Variants in BRCA2 observed in about 807,000 individuals in gnomAD.
The protein encoded by BRCA2 is BRCA2 DNA repair associated.
Under a neutral mutation model 276.7 loss-of-function variants are expected in BRCA2, and 203 were observed. That is an observed-to-expected ratio of 0.73 (90% confidence interval 0.65 to 0.82). The LOEUF (loss-of-function observed/expected upper bound fraction) is 0.82. Ranked by LOEUF, BRCA2 falls within the 40% of genes least tolerant of loss-of-function variation. The pLI, the probability that BRCA2 is intolerant of heterozygous loss-of-function variation, is 0.00. For missense variants in BRCA2, 3,920 were observed against 3,915.0 expected (o/e 1.00, Z -0.03); for synonymous variants, 1,289 against 1,338.4 (o/e 0.96, Z 0.81).
Position 32,343,786 on chromosome 13 carries a change from A to C in BRCA2, c.6842-772A>C, listed in dbSNP as rs543560632. ...TTAATTTCCCTCATTTCTGTAACAT[A>C]TAAGTGTATAACTTAGTCAGCTTCT... On this transcript the variant is annotated intron_variant, in intron 11 of 26. Transcript: ENST00000380152. Among the ~76,000 whole-genome samples, 5 of 152,152 alleles carry C rather than the reference A, an allele frequency of 3.3e-5. No homozygotes were observed. In the South Asian group the frequency reaches 8.3e-4, roughly 25 times the overall value.
At chr13:32,380,820 G>A (rs1000397919) in intron 24 of BRCA2, among the ~76,000 whole-genome samples, 5 of 151,812 alleles carry the variant, frequency 3.3e-5, no homozygotes, top group African/African-American at 1.2e-4. Context: ...GATTACAGGC[G>A]TGAGCCACCG....
chr13:32,359,669 G>A (rs183109112), intron 16 of BRCA2, among the ~76,000 whole-genome samples: 4 of 151,990 alleles, frequency 2.6e-5, no homozygotes, highest in Admixed American at 1.3e-4. Context: ...TACATCTTGC[G>A]TATCTTATAT....
rs1593891776 is a variant in BRCA2, at chr13:32,332,509, C to T, written c.1031C>T (p.Ser344Phe). 1 of 1,611,312 alleles carries T rather than the reference C, an allele frequency of 6.2e-7. No individual in the cohort carries two copies. Among genetic ancestry groups the T allele is most frequent in the Non-Finnish European group, 8.5e-7 (1 of 1,179,358 alleles). The change falls in exon 10 of 27, where the codon TCT (serine) becomes TTT (phenylalanine). Residue 344 changes from serine (S) to phenylalanine (F), a missense_variant. This residue lies in a region of BRCA2 where 3,263 missense variants were observed against 3,156.9 expected (regional missense o/e 1.03). Coordinates refer to ENST00000380152, the MANE Select transcript of BRCA2 (RefSeq NM_000059.4). ...GCAAACGCTGATGAATGTGAAAAAT[C>T]TAAAAACCAAGTGAAAGAAAAATAC... ...HEANADECEKSKNQVKEKYSF... is the reference protein window; with the variant it reads ...HEANADECEKFKNQVKEKYSF...
At chr13:32,326,342 T>C (rs1361067164) in intron 6 of BRCA2, 60 bp downstream of exon 6, 31 of 1,560,818 alleles carry the variant, frequency 2.0e-5, no homozygotes, top group Non-Finnish European at 2.4e-5. Context: ...ACAATAGCGT[T>C]ATACCTTTGC....
rs368847711 is a variant in BRCA2 at position 32,385,548 on chromosome 13, G to A, written c.9256+5403G>A. The A allele has an allele frequency of 2.7e-5, 7 of 255,210 alleles. 1 individual carries two copies. In the South Asian group the frequency reaches 3.2e-4, roughly 12 times the overall value. 15.8% of individuals were successfully genotyped at this position (255,210 alleles called of 1,614,324 possible). A position where few individuals can be genotyped will look rare whatever the true frequency, so the allele number is the denominator to read the frequency against. ...CTGCCTTCCTGCATCACCATATAGG[G>A]CTTTGTGACAGGACACAAAAGATCC... On this transcript the variant is annotated intron_variant, in intron 24 of 26. Transcript: ENST00000380152.
intron 11 of BRCA2, among the ~76,000 whole-genome samples, chr13:32,343,328 T>A (rs1435983082): frequency 6.6e-6 from 1 of 152,192 alleles, no homozygotes; most frequent in Non-Finnish European, 1.5e-5. Flanking sequence ...TAATCTTAAA[T>A]AACTAGTTCC....
intron 10 of BRCA2, 65 bp from the exon 11 acceptor site, chr13:32,336,200 G>T (rs2137481341): frequency 6.6e-7 from 1 of 1,517,346 alleles, no homozygotes; most frequent in Non-Finnish European, 8.9e-7. Flanking sequence ...TTAACTTAGT[G>T]AAAAATATTT....
At chr13:32,358,992 T>C (rs1174525734) in intron 16 of BRCA2, among the ~76,000 whole-genome samples, 1 of 150,170 alleles carries the variant, frequency 6.7e-6, no homozygotes, top group Non-Finnish European at 1.5e-5. Flanking sequence ...GAGGTTGAGG[T>C]GGGCAGATCA....
At position 32,348,993 on chromosome 13, in the gene BRCA2, G is replaced by T. The variant is rs11571690; in HGVS notation, c.7007+2097G>T. Among the ~76,000 whole-genome samples, 1,093 of 152,208 alleles carry T rather than the reference G, an allele frequency of 7.2e-3. 12 individuals carry two copies. Among genetic ancestry groups the T allele is most frequent in the African/African-American group, 0.025 (1,039 of 41,526 alleles). On this transcript the variant is annotated intron_variant, in intron 13 of 26. Transcript: ENST00000380152. ...ATCCAGCACATTGGGAGGCTGAGGT[G>T]GGTAGATCACTTGAGGCCAGGAGTT...
At position 32,362,650 on chromosome 13, in the gene BRCA2, A is replaced by G. The variant is rs876658889; in HGVS notation, c.7933A>G (p.Arg2645Gly). 1.2e-5 allele frequency: 19 copies of G among 1,614,222 alleles called. No individual in the cohort carries two copies. Among genetic ancestry groups the G allele is most frequent in the Admixed American group, 5.0e-5 (3 of 60,026 alleles). The change falls in exon 17 of 27, where the codon AGA (arginine) becomes GGA (glycine). Residue 2645 changes from arginine to glycine, a missense_variant. Arg to Gly is a moderately radical substitution (Grantham distance 125). Transcript: ENST00000380152. ...ECAFPKEFAN[R>G]CLSPERVLLQ... ...TGCCTTTCCTAAGGAATTTGCTAAT[A>G]GATGCCTAAGCCCAGAAAGGGTGCT...
Position 32,338,174 on chromosome 13 carries a change from TAAGA to T in BRCA2, c.3820_3823del (p.Lys1274Ter), listed in dbSNP as rs730881620. ...GTCATGATTCTGTTGTTTCAATGTT[TAAGA>T]TAGAAAATCATAATGATAAAACTGT... On this transcript the variant is annotated frameshift_variant, in exon 11 of 27. Transcript: ENST00000380152. LOFTEE classifies it high-confidence loss of function. The T allele has an allele frequency of 6.3e-7, 1 of 1,576,938 alleles. No individual in the cohort carries two copies. The highest frequency in any genetic ancestry group is 8.6e-7 in the Non-Finnish European group (1 of 1,161,542).
At position 32,338,322 on chromosome 13, in the gene BRCA2, A is replaced by T. The variant is rs80358648; in HGVS notation, c.3967A>T (p.Lys1323Ter). 1 of 1,587,958 alleles carries T rather than the reference A, an allele frequency of 6.3e-7. No individual in the cohort carries two copies. Among genetic ancestry groups the T allele is most frequent in the African/African-American group, 1.4e-5 (1 of 73,698 alleles). ...GAGAAATACTGAAAATGAAGATAAC[A>T]AATATACTGCTGCCAGTAGAAATTC... The part of the protein sequence containing the change: ...YKRNTENEDN[K>*]YTAASRNSHN... Residue 1323 changes from lysine (K) to a stop codon, truncating the protein, a stop_gained, in exon 11 of 27, where the codon AAA becomes TAA. Coordinates refer to ENST00000380152, the MANE Select transcript of BRCA2 (RefSeq NM_000059.4). LOFTEE classifies it high-confidence loss of function.
In BRCA2 at chr13:32,339,214, T is replaced by G. The variant is rs80358710; in HGVS notation, c.4859T>G (p.Leu1620Ter). The change falls in exon 11 of 27, where the codon TTA becomes TGA. Residue 1620 changes from leucine to a stop codon, truncating the protein, a stop_gained. Coordinates refer to ENST00000380152, the MANE Select transcript of BRCA2 (RefSeq NM_000059.4). LOFTEE classifies it high-confidence loss of function. ...CCACCTAAGCTCTTAAGTGATAATT[T>G]ATGTAGACAAACTGAAAATCTCAAA... is the stretch of plus-strand genomic sequence containing the variant. ...VVPPKLLSDN[L>*]CRQTENLKTS... 5.0e-6 allele frequency: 8 copies of G among 1,613,332 alleles called. No individual in the cohort carries two copies. The highest frequency in any genetic ancestry group is 6.8e-6 in the Non-Finnish European group (8 of 1,179,484).
At chr13:32,342,748 T>C (rs1420778941) in intron 11 of BRCA2, among the ~76,000 whole-genome samples, 1 of 152,166 alleles carries the variant, frequency 6.6e-6, no homozygotes, top group Admixed American at 6.5e-5. Context: ...AAAAATACGG[T>C]ATTAAAATCT....
At chr13:32,341,358 G>A (rs2072568357) in intron 11 of BRCA2, among the ~76,000 whole-genome samples, 162 bp downstream of exon 11, 1 of 152,046 alleles carries the variant, frequency 6.6e-6, no homozygotes, top group African/African-American at 2.4e-5. Flanking sequence ...CAGATACACA[G>A]ATTCAGTATT....
At position 32,332,298 on chromosome 13, in the gene BRCA2, T is replaced by C. The variant is rs876659899; in HGVS notation, c.820T>C (p.Phe274Leu). The C allele has an allele frequency of 6.2e-7, 1 of 1,605,420 alleles. No individual in the cohort carries two copies. ...HGFGKTSGNS[F>L]KVNSCKDHIG... Reference sequence around the variant, plus strand: ...ATTTGGAAAAACATCAGGGAATTCATTTAAAGTAAATAGCTGCAAAGACCA... The same window carrying C: ...ATTTGGAAAAACATCAGGGAATTCACTTAAAGTAAATAGCTGCAAAGACCA... Residue 274 changes from phenylalanine (F) to leucine (L), a missense_variant, in exon 10 of 27, where the codon TTT (phenylalanine) becomes CTT (leucine). Physicochemically the swap from Phe to Leu is conservative, Grantham distance 22 (BLOSUM62 0). This residue lies in a region of BRCA2 where 3,263 missense variants were observed against 3,156.9 expected (regional missense o/e 1.03). Transcript: ENST00000380152.
At chr13:32,383,770 G>A (rs367637605) in intron 24 of BRCA2, among the ~76,000 whole-genome samples, 1 of 145,884 alleles carries the variant, frequency 6.9e-6, no homozygotes, top group Non-Finnish European at 1.5e-5. Flanking sequence ...TTTGAGTTAG[G>A]GTTTTAGAGG....
At position 32,336,616 on chromosome 13, in the gene BRCA2, A is replaced by C. The variant is rs56289428; in HGVS notation, c.2261A>C (p.Gln754Pro). The change falls in exon 11 of 27, where the codon CAA becomes CCA. Residue 754 changes from glutamine (Q) to proline (P), a missense_variant. By Grantham distance (76) the Gln-to-Pro change is moderately conservative. Coordinates refer to ENST00000380152, the MANE Select transcript of BRCA2 (RefSeq NM_000059.4). ...SKVEYSDTDF[Q>P]SQKSLLYDHE... ...GTGGAATACAGTGATACTGACTTTCAATCCCAGAAAAGTCTTTTATATGAT... is the reference window on the plus strand; with the variant it reads ...GTGGAATACAGTGATACTGACTTTCCATCCCAGAAAAGTCTTTTATATGAT... 6.2e-7 allele frequency: 1 copy of C among 1,614,116 alleles called. No homozygotes were observed.
chr13:32,396,322 C>T (rs1465084133), intron 25 of BRCA2, among the ~76,000 whole-genome samples: 1 of 152,106 alleles, frequency 6.6e-6, no homozygotes, highest in African/African-American at 2.4e-5. Context: ...GCTGAAGAGA[C>T]AACTGTCATT....
Sources: gnomAD v4.1 joint callset for allele counts (sites outside exome capture counted in the v4.1 genomes callset) on GRCh38, gnomAD v4.1.1 for gene constraint, gnomAD v4.1.1 regional missense constraint, MANE v1.5 for transcripts, NCBI Gene and HGNC (gene_info 2026-07-23, HGNC 2026-07-21) for gene names.